The following PEAK1 variants were observed in gnomAD, a reference collection of about 807,000 sequenced individuals.
The protein encoded by PEAK1 is inactive tyrosine-protein kinase PEAK1.
A neutral mutation model predicts 124.7 loss-of-function variants in PEAK1; 54 were observed. That is an observed-to-expected ratio of 0.43 (90% CI 0.35 to 0.54). The LOEUF is 0.54. Ranked by LOEUF, PEAK1 falls within the 20% of genes least tolerant of loss-of-function variation. The pLI is 0.01. For synonymous variants in PEAK1, 719 were observed against 760.0 expected (o/e 0.95, Z 0.89); for missense variants, 2,046 against 2,134.5 (o/e 0.96, Z 0.82).
chr15:77,123,204 T>TA (rs1208939738), intron 9 of PEAK1, among the ~76,000 whole-genome samples: 9 of 152,226 alleles, frequency 5.9e-5, no homozygotes, highest in Non-Finnish European at 1.0e-4. Context: ...GGAAAATAAC[T>TA]AAAAAATTTA....
intron 2 of PEAK1, among the ~76,000 whole-genome samples, chr15:77,322,945 G>T (rs556646266): frequency 6.6e-6 from 1 of 152,162 alleles, no homozygotes; most frequent in African/African-American, 2.4e-5. Flanking sequence ...ATGATCAAGA[G>T]GGCTTCATCC....
At chr15:77,218,452 T>C (rs1420019141) in intron 6 of PEAK1, among the ~76,000 whole-genome samples, 2 of 152,184 alleles carry the variant, frequency 1.3e-5, no homozygotes, top group African/African-American at 4.8e-5. Context: ...TTGTCAGATG[T>C]TAAACCAACA....
chr15:77,269,177 T>C (rs1191241337), intron 5 of PEAK1, among the ~76,000 whole-genome samples: 2 of 151,456 alleles, frequency 1.3e-5, no homozygotes, highest in African/African-American at 4.8e-5. Flanking sequence ...TCAATACTAA[T>C]GTTGAAAGTA....
intron 2 of PEAK1, among the ~76,000 whole-genome samples, chr15:77,294,564 T>A (rs1415415744): frequency 1.3e-5 from 2 of 152,102 alleles, no homozygotes; most frequent in Non-Finnish European, 2.9e-5. Flanking sequence ...GTTCTGAGAA[T>A]AAAGGAAATA....
At chr15:77,102,544 C>A (rs1254184519) in exon 7 of PEAK1, 1 of 152,142 alleles carries the variant, frequency 6.6e-6, no homozygotes, top group Non-Finnish European at 1.5e-5. Context: ...TGGCATGTAA[C>A]TCTGTTTGAT....
intron 6 of PEAK1, among the ~76,000 whole-genome samples, chr15:77,206,845 C>CA (rs2058683597): frequency 6.6e-6 from 1 of 152,084 alleles, no homozygotes; most frequent in African/African-American, 2.4e-5. Context: ...GATCGCATCA[C>CA]ACTACCTGAC....
At chr15:77,226,053 ATATATATATATATATAT>A (rs1165174662) in intron 6 of PEAK1, among the ~76,000 whole-genome samples, 16 of 84,910 alleles carry the variant, frequency 1.9e-4, no homozygotes, top group Middle Eastern at 6.0e-3. Flanking sequence ...GGATATATAT[ATATATATATATATATAT>A]ATATATATAT....
At chr15:77,154,997 G>A (rs949504514) in intron 8 of PEAK1, among the ~76,000 whole-genome samples, 14 of 152,060 alleles carry the variant, frequency 9.2e-5, no homozygotes, top group Admixed American at 3.3e-4. Flanking sequence ...TATCTGTGGC[G>A]TTCTCTGTAT....
intron 7 of PEAK1, among the ~76,000 whole-genome samples, chr15:77,168,237 G>GCGCGCACACACA (rs1555428545): frequency 6.8e-6 from 1 of 147,178 alleles, no homozygotes; most frequent in Admixed American, 6.8e-5. Flanking sequence ...ATGTGCGCGC[G>GCGCGCACACACA]CACACACACA....
At chr15:77,409,458 G>C (rs1192125422) in intron 1 of PEAK1, among the ~76,000 whole-genome samples, 1 of 152,204 alleles carries the variant, frequency 6.6e-6, no homozygotes, top group African/African-American at 2.4e-5. Flanking sequence ...GCTCCAGGCA[G>C]TCTGGGTCCC....
At chr15:77,400,602 A>C (rs1203629445) in intron 1 of PEAK1, among the ~76,000 whole-genome samples, 1 of 152,166 alleles carries the variant, frequency 6.6e-6, no homozygotes, top group Non-Finnish European at 1.5e-5. Context: ...GTGGGATCTA[A>C]AAATTAAAAC....
Position 77,133,168 on chromosome 15 carries a change from C to A in PEAK1, c.3914G>T (p.Cys1305Phe), listed in dbSNP as rs781290090. 1.2e-6 allele frequency: 2 copies of A among 1,614,096 alleles called. No individual in the cohort carries two copies. Among genetic ancestry groups the A allele is most frequent in the Non-Finnish European group, 1.7e-6 (2 of 1,180,036 alleles). The change falls in exon 9 of 10, where the codon TGC (cysteine) becomes TTC (phenylalanine). Residue 1305 changes from cysteine (C) to phenylalanine (F), a missense_variant. By Grantham distance (205) the Cys-to-Phe change is radical (BLOSUM62 -2). Coordinates refer to ENST00000682557, the MANE Select transcript of PEAK1 (RefSeq NM_001385026.1). The surrounding 1 kb of genome is among the most constrained non-coding windows in gnomAD (Gnocchi z 4.2). ...CTGCCCAGCCATGAAAAGGTCTTCGCATTTAACAGCCAGTTTCTTCAAGGC... is the reference window on the plus strand; with the variant it reads ...CTGCCCAGCCATGAAAAGGTCTTCGAATTTAACAGCCAGTTTCTTCAAGGC... ...TDALKKLAVK[C>F]EDLFMAGQKD...
intron 6 of PEAK1, among the ~76,000 whole-genome samples, chr15:77,223,139 C>A (rs1319776855): frequency 6.6e-6 from 1 of 152,020 alleles, no homozygotes; most frequent in Non-Finnish European, 1.5e-5. Flanking sequence ...AGAAATTAGC[C>A]TATAGCCAAC....
intron 2 of PEAK1, among the ~76,000 whole-genome samples, chr15:77,345,479 T>G (rs975898874): frequency 2.6e-5 from 4 of 152,124 alleles, no homozygotes; most frequent in African/African-American, 9.7e-5. Context: ...TTTGAAAAGA[T>G]AAAAAGGAGA....
At chr15:77,326,008 T>C (rs1188848283) in intron 2 of PEAK1, among the ~76,000 whole-genome samples, 3 of 152,178 alleles carry the variant, frequency 2.0e-5, no homozygotes, top group Non-Finnish European at 2.9e-5. Flanking sequence ...CTAACTTCTA[T>C]GATTTAGAAT....
chr15:77,207,949 C>A (rs1033881772), intron 6 of PEAK1, among the ~76,000 whole-genome samples: 6 of 152,154 alleles, frequency 3.9e-5, no homozygotes, highest in African/African-American at 1.4e-4. Context: ...CAGGCTCATA[C>A]AGGTCTAGGA....
In PEAK1 at chr15:77,418,508, T is replaced by TTCC. The variant is rs1208713097; in HGVS notation, c.-666+1495_-666+1497dup. 4.1e-6 allele frequency: 4 copies of TTCC among 984,950 alleles called. No individual in the cohort carries two copies. In the Admixed American group the frequency reaches 1.8e-4, roughly 45 times the overall value. The allele number at this position is 984,950 out of a possible 1,614,324, so 61.0% of individuals were successfully genotyped here. A position where few individuals can be genotyped will look rare whatever the true frequency, so the allele number is the denominator to read the frequency against. ...TCACTAGCAATGCTATGACTTCTAC[T>TTCC]TCCATTGTTCATCTCTGGGCTGAGG... On this transcript the variant is annotated intron_variant, in intron 1 of 9. Coordinates refer to ENST00000682557, the MANE Select transcript of PEAK1 (RefSeq NM_001385026.1).
At chr15:77,341,706 G>A (rs1241273789) in intron 2 of PEAK1, among the ~76,000 whole-genome samples, 1 of 152,066 alleles carries the variant, frequency 6.6e-6, no homozygotes, top group Non-Finnish European at 1.5e-5. Context: ...AAGCAATCTA[G>A]GGGTCCACCA....
chr15:77,136,127 G>A (rs1489375007), intron 8 of PEAK1, among the ~76,000 whole-genome samples: 1 of 152,166 alleles, frequency 6.6e-6, no homozygotes, highest in Non-Finnish European at 1.5e-5. Context: ...ATAAGGTCCA[G>A]GCTGAGGTGG....
Sources: allele counts gnomAD v4.1 joint callset (sites outside exome capture counted in the v4.1 genomes callset), GRCh38; gene constraint gnomAD v4.1.1; non-coding constraint Gnocchi (gnomAD v3.1); transcripts MANE v1.5; gene names NCBI Gene and HGNC (gene_info 2026-07-23, HGNC 2026-07-21).